The following RYR3 variants were observed in gnomAD, a reference collection of about 807,000 sequenced individuals.
RYR3 encodes brain ryanodine receptor-calcium release channel.
A neutral mutation model predicts 584.3 loss-of-function variants in RYR3; 207 were observed. The observed-to-expected ratio is 0.35, with a 90% confidence interval of 0.32 to 0.40. The LOEUF is 0.40. Ranked by LOEUF, RYR3 falls within the 10% of genes least tolerant of loss-of-function variation. The pLI is 1.00. For missense variants in RYR3, 5,616 were observed against 6,089.2 expected, an observed-to-expected ratio of 0.92 and a Z score of 2.59; for synonymous variants, 2,416 against 2,248.5, an observed-to-expected ratio of 1.07 and a Z score of -2.11.
At chr15:33,600,863 C>T (rs920897064) in intron 16 of RYR3, among the ~76,000 whole-genome samples, 1 of 152,076 alleles carries the variant, frequency 6.6e-6, no homozygotes, top group East Asian at 1.9e-4. Context: ...TTATTAAGAC[C>T]TGTAATATTT....
intron 52 of RYR3, among the ~76,000 whole-genome samples, chr15:33,743,385 G>A (rs1006060964): frequency 2.6e-5 from 4 of 152,228 alleles, no homozygotes; most frequent in African/African-American, 9.7e-5. Context: ...GCAAGGGCCA[G>A]ACCATCTCCA....
chr15:33,629,641 A>C (rs1176281311), intron 21 of RYR3, among the ~76,000 whole-genome samples: 1 of 152,216 alleles, frequency 6.6e-6, no homozygotes, highest in African/African-American at 2.4e-5. Context: ...TGGTTACATG[A>C]ATTTTGGAGG....
At chr15:33,836,852 T>C (rs2078086627) in intron 87 of RYR3, 54 bp from the exon 88 acceptor site, 1 of 1,451,376 alleles carries the variant, frequency 6.9e-7, no homozygotes, top group African/African-American at 1.4e-5. Flanking sequence ...CTCACTGCCC[T>C]GTACTTTACT....
rs1255265440 is a variant in RYR3, at chr15:33,810,963, C to T, written c.10198-15C>T. The T allele has an allele frequency of 1.3e-6, 2 of 1,599,822 alleles. No homozygotes were observed. The highest frequency in any genetic ancestry group is 1.3e-5 in the African/African-American group (1 of 74,700). ...GGTGATCTCCGGGAATAAAATCTGA[C>T]ATCTCTTTCCACAGAGGGACACAGA... is the stretch of plus-strand genomic sequence containing the variant. On this transcript the variant is annotated splice_polypyrimidine_tract_variant and intron_variant, in intron 71 of 103. Transcript: ENST00000634891.
intron 17 of RYR3, 72 bp downstream of exon 17, chr15:33,601,624 G>A: frequency 6.4e-7 from 1 of 1,553,866 alleles, no homozygotes; most frequent in Non-Finnish European, 8.8e-7. Context: ...GGAAAAGAGG[G>A]CTCATCTGAA....
At chr15:33,572,893 G>A (rs917946225) in intron 12 of RYR3, among the ~76,000 whole-genome samples, 1 of 152,158 alleles carries the variant, frequency 6.6e-6, no homozygotes, top group African/African-American at 2.4e-5. Context: ...AGAATCACTT[G>A]AACCCAAGAG....
chr15:33,669,128 A>G lies in RYR3; in HGVS notation c.5620-226A>G, dbSNP rs529853373. Among the ~76,000 whole-genome samples, 5 of 152,100 alleles carry G rather than the reference A, an allele frequency of 3.3e-5. No homozygotes were observed. In the East Asian group the frequency reaches 7.7e-4, roughly 23 times the overall value. On this transcript the variant is annotated intron_variant, in intron 36 of 103. Transcript: ENST00000634891. ...TCTCGGGGTGGTGGAATCACAGTAA[A>G]TTTTCTTATTTAGGTATTTTCCAAA...
chr15:33,651,661 C>T (rs2062476680), intron 31 of RYR3, among the ~76,000 whole-genome samples: 1 of 152,202 alleles, frequency 6.6e-6, no homozygotes, highest in African/African-American at 2.4e-5. Flanking sequence ...CCCACAGTGC[C>T]AAATGTACTA....
At chr15:33,347,412 C>G (rs181602494) in intron 1 of RYR3, among the ~76,000 whole-genome samples, 2 of 149,970 alleles carry the variant, frequency 1.3e-5, no homozygotes, top group East Asian at 3.9e-4. Context: ...ATCACTTCAT[C>G]TTGTTGCTCA....
intron 1 of RYR3, among the ~76,000 whole-genome samples, chr15:33,444,110 T>C (rs932850701): frequency 1.3e-5 from 2 of 152,168 alleles, no homozygotes; most frequent in African/African-American, 2.4e-5. Flanking sequence ...TTGAGACCCA[T>C]AGTAAAAAGT....
At chr15:33,587,186 G>A (rs16972837) in intron 16 of RYR3, among the ~76,000 whole-genome samples, 25,680 of 152,134 alleles carry the variant, frequency 0.17, 3,012 homozygotes, top group East Asian at 0.64. Context: ...ATCTGAAATC[G>A]CTTTTCCAAA....
chr15:33,831,564 A>C (rs2077677092), intron 86 of RYR3, among the ~76,000 whole-genome samples: 1 of 152,258 alleles, frequency 6.6e-6, no homozygotes, highest in Non-Finnish European at 1.5e-5. Context: ...TTAACTCTGG[A>C]AGAAGTAACT....
At chr15:33,801,796 G>T (rs1461341447) in intron 68 of RYR3, 73 bp from the exon 69 acceptor site, 1 of 767,894 alleles carries the variant, frequency 1.3e-6, no homozygotes, top group South Asian at 1.7e-5. Flanking sequence ...CGTTACTTGG[G>T]GAGCTTAGAA....
intron 3 of RYR3, among the ~76,000 whole-genome samples, chr15:33,525,416 T>G (rs796787902): frequency 6.6e-6 from 1 of 152,258 alleles, no homozygotes; most frequent in African/African-American, 2.4e-5. Context: ...AGATTAGTTT[T>G]GTAGCAATTT....
At chr15:33,534,678 T>C (rs1159048356) in intron 5 of RYR3, among the ~76,000 whole-genome samples, 2 of 152,228 alleles carry the variant, frequency 1.3e-5, no homozygotes, top group African/African-American at 4.8e-5. Context: ...AACAAGATGC[T>C]GACTTGCTGG....
At chr15:33,472,254 A>G (rs2142212258) in intron 1 of RYR3, among the ~76,000 whole-genome samples, 2 of 152,312 alleles carry the variant, frequency 1.3e-5, no homozygotes, top group Middle Eastern at 6.8e-3. Context: ...ACAAGCAGGT[A>G]TCTTTGTAGG....
intron 1 of RYR3, among the ~76,000 whole-genome samples, chr15:33,408,915 G>A (rs1239882718): frequency 6.6e-6 from 1 of 152,104 alleles, no homozygotes; most frequent in Non-Finnish European, 1.5e-5. Flanking sequence ...CATCTACTTA[G>A]AGTGATCTAT....
intron 3 of RYR3, among the ~76,000 whole-genome samples, chr15:33,529,413 C>T (rs1232681927): frequency 2.0e-5 from 3 of 152,336 alleles, no homozygotes; most frequent in South Asian, 4.2e-4. Context: ...GTCCTCCACA[C>T]TACCTGATTC....
chr15:33,508,176 C>G (rs988653616), intron 3 of RYR3, among the ~76,000 whole-genome samples: 1 of 152,086 alleles, frequency 6.6e-6, no homozygotes, highest in African/African-American at 2.4e-5. Flanking sequence ...ATCTTTACAA[C>G]TACGAAGAGA....
Sources: allele counts gnomAD v4.1 joint callset (sites outside exome capture counted in the v4.1 genomes callset), GRCh38; gene constraint gnomAD v4.1.1; transcripts MANE v1.5; gene names NCBI Gene and HGNC (gene_info 2026-07-23, HGNC 2026-07-21).